Variants in CLNK observed in about 807,000 individuals in gnomAD.
CLNK encodes the protein cytokine dependent hematopoietic cell linker.
In CLNK, 74 loss-of-function variants were observed where a neutral mutation model predicts 68.6. The observed-to-expected ratio is 1.08, with a 90% CI of 0.89 to 1.31. The LOEUF is 1.31. Ranked by LOEUF, CLNK falls within the 50% of genes most tolerant of loss-of-function variation. The probability of loss-of-function intolerance (pLI) is 0.00; values close to 1 mark genes in which losing one functional copy is unlikely to be tolerated. For synonymous variants in CLNK, 198 were observed against 172.2 expected (o/e 1.15, Z -1.17); for missense variants, 553 against 515.3 (o/e 1.07, Z -0.71).
At chr4:10,627,837 C>T (rs982711356) in intron 2 of CLNK, among the ~76,000 whole-genome samples, 1 of 152,206 alleles carries the variant, frequency 6.6e-6, no homozygotes, top group Admixed American at 6.5e-5. Flanking sequence ...CTGGGCTTCA[C>T]AGAGTCTGTG....
intron 1 of CLNK, among the ~76,000 whole-genome samples, chr4:10,683,473 CTG>C (rs1189536333): frequency 6.6e-6 from 1 of 152,196 alleles, no homozygotes; most frequent in Non-Finnish European, 1.5e-5. Flanking sequence ...CAAACTAACA[CTG>C]TTCACCATTC....
chr4:10,676,730 G>A (rs1057461250), intron 1 of CLNK, among the ~76,000 whole-genome samples: 4 of 151,856 alleles, frequency 2.6e-5, no homozygotes, highest in Non-Finnish European at 4.4e-5. Context: ...TCCACTTTGT[G>A]GTGAATAGAC....
At chr4:10,727,914 T>G in the CLNK span, among the ~76,000 whole-genome samples, 1 of 152,204 alleles carries the variant, frequency 6.6e-6, no homozygotes, top group Non-Finnish European at 1.5e-5. Flanking sequence ...AAGATGGGGC[T>G]TAGCAATTTT....
chr4:10,580,636 TA>T (rs200604339), intron 4 of CLNK, among the ~76,000 whole-genome samples: 5 of 149,460 alleles, frequency 3.3e-5, no homozygotes, highest in Admixed American at 6.7e-5. Context: ...ATTTAAAAAG[TA>T]AAAAAAAATA....
At position 10,574,510 on chromosome 4, in the gene CLNK, C is replaced by T. The variant is rs373944989; in HGVS notation, c.113-2732G>A. 9.2e-5 allele frequency among the ~76,000 whole-genome samples: 14 copies of T among 152,262 alleles called. No individual in the cohort carries two copies. In the South Asian group the frequency reaches 1.0e-3, roughly 11 times the overall value. On this transcript the variant is annotated intron_variant, in intron 4 of 18. Coordinates refer to ENST00000226951, the MANE Select transcript of CLNK (RefSeq NM_052964.4). ...TGTCTGATCACCCTGGTCTGCCTTC[C>T]GCAAGAACATTTCAGGTCAGTTTAG...
chr4:10,655,101 GAAAAAA>G (rs748148319), intron 2 of CLNK, among the ~76,000 whole-genome samples: 2 of 72,822 alleles, frequency 2.7e-5, no homozygotes, highest in Non-Finnish European at 2.6e-5. Context: ...ACACCGACTC[GAAAAAA>G]AAAAAAAAAA....
chr4:10,692,255 C>T, the CLNK span: 1 of 152,158 alleles, frequency 6.6e-6, no homozygotes, highest in Admixed American at 6.5e-5. Context: ...AGGTTAAGTT[C>T]CAAGTCGTGC....
intron 2 of CLNK, among the ~76,000 whole-genome samples, chr4:10,657,562 T>A (rs1724033673): frequency 6.6e-6 from 1 of 152,220 alleles, no homozygotes. Context: ...ATAAAACTCC[T>A]CGAATCTTTG....
At chr4:10,542,765 T>A (rs1389612448) in intron 8 of CLNK, among the ~76,000 whole-genome samples, 1 of 151,546 alleles carries the variant, frequency 6.6e-6, no homozygotes, top group Non-Finnish European at 1.5e-5. Flanking sequence ...CATCACAGAT[T>A]TTTCAAAATA....
chr4:10,686,587 GA>G (rs1286618890), upstream of CLNK, among the ~76,000 whole-genome samples: 1 of 150,670 alleles, frequency 6.6e-6, no homozygotes, highest in Non-Finnish European at 1.5e-5. Flanking sequence ...TGGGAGAGGG[GA>G]AACTCCAGCC....
chr4:10,495,836 G>T (rs1266975924), intron 18 of CLNK, among the ~76,000 whole-genome samples: 1 of 147,950 alleles, frequency 6.8e-6, no homozygotes, highest in Non-Finnish European at 1.5e-5. Context: ...GAGAGAGAGA[G>T]ATGAGGAGAA....
At chr4:10,498,981 A>T (rs1436552965) in intron 18 of CLNK, among the ~76,000 whole-genome samples, 1 of 60,042 alleles carries the variant, frequency 1.7e-5, no homozygotes, top group Non-Finnish European at 3.4e-5. Flanking sequence ...CCCCCCCCCC[A>T]ACCCTTGTCC....
At chr4:10,661,367 C>G (rs1056402634) in intron 2 of CLNK, among the ~76,000 whole-genome samples, 5 of 152,128 alleles carry the variant, frequency 3.3e-5, no homozygotes, top group African/African-American at 1.2e-4. Flanking sequence ...CTCTAATGGG[C>G]AAAACAGTCA....
At chr4:10,681,804 C>G (rs1725102448) in intron 1 of CLNK, among the ~76,000 whole-genome samples, 1 of 152,144 alleles carries the variant, frequency 6.6e-6, no homozygotes, top group Non-Finnish European at 1.5e-5. Flanking sequence ...TCGGGTGGAC[C>G]TGGGTCTCAT....
At chr4:10,615,870 T>G (rs2108857294) in intron 2 of CLNK, among the ~76,000 whole-genome samples, 1 of 152,316 alleles carries the variant, frequency 6.6e-6, no homozygotes, top group African/African-American at 2.4e-5. Flanking sequence ...AAAGGAGGCA[T>G]TCAATGTCAG....
At chr4:10,659,650 G>A (rs1282857047) in intron 2 of CLNK, among the ~76,000 whole-genome samples, 1 of 152,104 alleles carries the variant, frequency 6.6e-6, no homozygotes, top group Non-Finnish European at 1.5e-5. Context: ...AGAGAAGAAT[G>A]GAAGTCAAGA....
chr4:10,582,501 A>G (rs1720819254), intron 4 of CLNK, among the ~76,000 whole-genome samples: 1 of 152,088 alleles, frequency 6.6e-6, no homozygotes, highest in Non-Finnish European at 1.5e-5. Flanking sequence ...AGAAGGACCC[A>G]CTTTCTAAAT....
intron 16 of CLNK, among the ~76,000 whole-genome samples, chr4:10,508,755 T>G (rs893625892): frequency 6.6e-6 from 1 of 152,154 alleles, no homozygotes; most frequent in Non-Finnish European, 1.5e-5. Flanking sequence ...AGCACATCTT[T>G]GAAGTAGGCA....
chr4:10,508,146 A>G, intron 16 of CLNK, 110 bp from the exon 17 acceptor site: 1 of 768,538 alleles, frequency 1.3e-6, no homozygotes, highest in East Asian at 2.7e-5. Context: ...TCATAGTGTA[A>G]TCTGTAGTAG....
Sources: gnomAD v4.1 joint callset for allele counts (sites outside exome capture counted in the v4.1 genomes callset) on GRCh38, gnomAD v4.1.1 for gene constraint, MANE v1.5 for transcripts, NCBI Gene and HGNC (gene_info 2026-07-23, HGNC 2026-07-21) for gene names.